OXCT1: variants seen among roughly 807,000 people sequenced by gnomAD.
OXCT1 encodes 3-oxoacid CoA-transferase 1, also known as succinyl-CoA:3-ketoacid coenzyme A transferase 1, mitochondrial.
Under a neutral mutation model 69.6 loss-of-function variants are expected in OXCT1, and 27 were observed. The observed-to-expected ratio is 0.39, with a 90% confidence interval of 0.29 to 0.54. The LOEUF is 0.54. OXCT1 is among the 20% of genes least tolerant of loss of function. OXCT1 has a pLI of 0.72. For synonymous variants in OXCT1, 202 were observed against 217.8 expected, an observed-to-expected ratio of 0.93 and a Z score of 0.64; for missense variants, 437 against 650.2, an observed-to-expected ratio of 0.67 and a Z score of 3.57.
At chr5:41,846,618 A>G (rs1446551636) in intron 5 of OXCT1, among the ~76,000 whole-genome samples, 1 of 152,162 alleles carries the variant, frequency 6.6e-6, no homozygotes, top group Non-Finnish European at 1.5e-5. Context: ...TTAAAGCAGC[A>G]TGATTTATAG....
chr5:41,791,844 C>T (rs1745935241), intron 13 of OXCT1, among the ~76,000 whole-genome samples: 1 of 152,006 alleles, frequency 6.6e-6, no homozygotes, highest in Admixed American at 6.5e-5. Flanking sequence ...CTCTTTCGCC[C>T]ACAGGCTGGA....
intron 7 of OXCT1, among the ~76,000 whole-genome samples, chr5:41,830,466 A>G (rs1045255986): frequency 1.3e-5 from 2 of 152,234 alleles, no homozygotes; most frequent in Non-Finnish European, 2.9e-5. Context: ...ACTGAAATAG[A>G]GAGCTTTAAC....
chr5:41,835,300 A>G (rs1484848987), intron 7 of OXCT1, among the ~76,000 whole-genome samples: 1 of 152,266 alleles, frequency 6.6e-6, no homozygotes, highest in African/African-American at 2.4e-5. Context: ...TGAACAGCCC[A>G]ATAATCATAA....
At chr5:41,747,234 C>G (rs1743539339) in intron 15 of OXCT1, among the ~76,000 whole-genome samples, 1 of 152,052 alleles carries the variant, frequency 6.6e-6, no homozygotes, top group African/African-American at 2.4e-5. Context: ...TCCAGCCATG[C>G]CCTTGCTCCA....
At chr5:41,854,312 T>C (rs1749328346) in intron 3 of OXCT1, among the ~76,000 whole-genome samples, 1 of 152,232 alleles carries the variant, frequency 6.6e-6, no homozygotes, top group Non-Finnish European at 1.5e-5. Context: ...TTAGAAATGG[T>C]ATACACAGTG....
At chr5:41,810,221 G>A (rs371592834) in intron 7 of OXCT1, among the ~76,000 whole-genome samples, 5 of 152,122 alleles carry the variant, frequency 3.3e-5, no homozygotes, top group Non-Finnish European at 5.9e-5. Context: ...GAGATCAGGC[G>A]ATTTAAACAT....
Position 41,782,860 on chromosome 5 carries a change from A to G in OXCT1, c.1248+11143T>C, listed in dbSNP as rs1372424568. On this transcript the variant is annotated intron_variant, in intron 13 of 16. Transcript: ENST00000196371. ...CTACAGACAGAAGAGATAGGTCCTA[A>G]TATTGGCTTAGCTACTAATTAGAGT... Among the ~76,000 whole-genome samples the G allele has an allele frequency of 2.0e-5, 3 of 152,144 alleles. No individual in the cohort carries two copies. In the East Asian group the frequency reaches 5.8e-4, roughly 29 times the overall value.
intron 14 of OXCT1, among the ~76,000 whole-genome samples, chr5:41,756,646 T>C (rs1254723599): frequency 6.6e-6 from 1 of 152,136 alleles, no homozygotes; most frequent in Non-Finnish European, 1.5e-5. Flanking sequence ...CATAAGGCTC[T>C]ATTCTACTCG....
Position 41,765,124 on chromosome 5 carries a change from G to A in OXCT1, c.1249-2924C>T, listed in dbSNP as rs56662446. ...AAGGCATACTCCCTGACATAAGCGG[G>A]AAATGCATCATCATCCTTCACTCCA... On this transcript the variant is annotated intron_variant, in intron 13 of 16. Coordinates refer to ENST00000196371, the MANE Select transcript of OXCT1 (RefSeq NM_000436.4). 9.5e-3 allele frequency among the ~76,000 whole-genome samples: 1,440 copies of A among 152,258 alleles called. 20 individuals carry two copies. Among genetic ancestry groups the A allele is most frequent in the African/African-American group, 0.033 (1,363 of 41,554 alleles).
At chr5:41,751,367 T>A (rs1010149041) in intron 14 of OXCT1, among the ~76,000 whole-genome samples, 5 of 152,140 alleles carry the variant, frequency 3.3e-5, no homozygotes, top group Non-Finnish European at 4.4e-5. Flanking sequence ...ACAATCAACT[T>A]CATTTTAGGA....
At chr5:41,860,868 T>C (rs903630436) in intron 3 of OXCT1, among the ~76,000 whole-genome samples, 3 of 152,080 alleles carry the variant, frequency 2.0e-5, no homozygotes, top group African/African-American at 7.2e-5. Context: ...TATCCCTTTA[T>C]TTATGATCTA....
chr5:41,860,131 T>C (rs763248233), intron 3 of OXCT1, among the ~76,000 whole-genome samples: 8 of 151,720 alleles, frequency 5.3e-5, no homozygotes, highest in South Asian at 4.1e-4. Flanking sequence ...AGTTATCGAG[T>C]TGTCTTAAAC....
intron 13 of OXCT1, among the ~76,000 whole-genome samples, chr5:41,773,795 A>C (rs1006687729): frequency 1.3e-5 from 2 of 152,170 alleles, no homozygotes; most frequent in African/African-American, 4.8e-5. Context: ...AGACCTTTTA[A>C]ATTTCTGATC....
chr5:41,738,542 T>C (rs1374751890), intron 16 of OXCT1, among the ~76,000 whole-genome samples: 1 of 152,234 alleles, frequency 6.6e-6, no homozygotes, highest in East Asian at 1.9e-4. Context: ...TCCCCAGCCA[T>C]GTGGACCTGA....
Position 41,787,370 on chromosome 5 carries a change from C to A in OXCT1, c.1248+6633G>T, listed in dbSNP as rs1453470481. On this transcript the variant is annotated intron_variant, in intron 13 of 16. Transcript: ENST00000196371. The stretch of plus-strand genomic sequence containing the variant: ...AAGAAGGGAAGCCAACAAGATAGGT[C>A]TACAATTTCCCCCAGCTTACTGCCT... Among the ~76,000 whole-genome samples the A allele has an allele frequency of 3.3e-5, 5 of 152,220 alleles. No homozygotes were observed. The East Asian group carries it at 7.7e-4, about 24-fold the overall frequency.
At chr5:41,822,200 G>C (rs546114502) in intron 7 of OXCT1, among the ~76,000 whole-genome samples, 5 of 152,238 alleles carry the variant, frequency 3.3e-5, no homozygotes, top group African/African-American at 1.2e-4. Flanking sequence ...TGGTGATGGG[G>C]CCAGGGGTTT....
Position 41,859,880 on chromosome 5 carries a change from TA to T in OXCT1, c.278+1433del, listed in dbSNP as rs1243385019. On this transcript the variant is annotated intron_variant, in intron 3 of 16. Coordinates refer to ENST00000196371, the MANE Select transcript of OXCT1 (RefSeq NM_000436.4). ...TAGTATAGTAATATATATATATATA[TA>T]TATATGTAATATATATATATATATA... 1.7e-4 allele frequency among the ~76,000 whole-genome samples: 20 copies of T among 119,098 alleles called. 1 individual carries two copies. The highest frequency in any genetic ancestry group is 5.2e-4 in the African/African-American group (18 of 34,826). 78.1% of individuals were successfully genotyped at this position (119,098 alleles called of 152,430 possible). A position where few individuals can be genotyped will look rare whatever the true frequency, so the allele number is the denominator to read the frequency against.
chr5:41,791,810 T>TTTA (rs1561079575), intron 13 of OXCT1, among the ~76,000 whole-genome samples: 4 of 151,900 alleles, frequency 2.6e-5, no homozygotes, highest in Admixed American at 6.5e-5. Context: ...TTATTTATTT[T>TTTA]TTTTTTTATG....
chr5:41,786,057 A>G (rs1745626189), intron 13 of OXCT1, among the ~76,000 whole-genome samples: 1 of 152,210 alleles, frequency 6.6e-6, no homozygotes, highest in Admixed American at 6.5e-5. Context: ...AACAACCTCA[A>G]CAGGTTAATG....
Sources: allele counts gnomAD v4.1 joint callset (sites outside exome capture counted in the v4.1 genomes callset), GRCh38; gene constraint gnomAD v4.1.1; transcripts MANE v1.5; gene names NCBI Gene and HGNC (gene_info 2026-07-23, HGNC 2026-07-21).